KCNV2: variants seen among roughly 807,000 people sequenced by gnomAD.
KCNV2 encodes the protein potassium voltage-gated channel subfamily V member 2.
In KCNV2, 65 loss-of-function variants were observed where a neutral mutation model predicts 37.0. That is an observed-to-expected ratio of 1.76 (90% CI 1.44 to 2.16). KCNV2 has a LOEUF of 2.16. Ranked by LOEUF, KCNV2 falls within the 30% of genes most tolerant of loss-of-function variation. The pLI, the probability that KCNV2 is intolerant of heterozygous loss-of-function variation, is 0.00. For synonymous variants in KCNV2, 518 were observed against 328.6 expected (o/e 1.58, Z -6.23); for missense variants, 1,232 against 766.7 (o/e 1.61, Z -7.17).
intron 1 of KCNV2, among the ~76,000 whole-genome samples, chr9:2,723,603 A>G (rs1397170602): frequency 2.0e-5 from 3 of 152,228 alleles, no homozygotes; most frequent in African/African-American, 7.2e-5. Context: ...CTGCTAGCCT[A>G]TAGTAAGTCT....
Position 2,718,745 on chromosome 9 carries a change from AACCTGGTGG to A in KCNV2, c.1016_1024del (p.Asp339_Val341del), listed in dbSNP as rs786205064. ...GAGGCGCTTCGCGCGCAGCGCCCTC[AACCTGGTGG>A]ACCTGGTGGCCATCCTGCCGCTCTA... On this transcript the variant is annotated inframe_deletion, in exon 1 of 2. Transcript: ENST00000382082. The A allele has an allele frequency of 3.1e-5, 50 of 1,611,934 alleles. No homozygotes were observed. Among genetic ancestry groups the A allele is most frequent in the African/African-American group, 4.0e-5 (3 of 74,928 alleles).
At chr9:2,719,125 C>G (rs537049308) in intron 1 of KCNV2, 30 bp downstream of exon 1, 147 of 1,602,110 alleles carry the variant, frequency 9.2e-5, no homozygotes, top group Middle Eastern at 3.5e-4. Context: ...GCTTTCCCAT[C>G]CTCTTCCCCA....
At position 2,718,928 on chromosome 9, in the gene KCNV2, C is replaced by T; in HGVS notation, c.1189C>T (p.Leu397=). ...CAAGCTGGCGCGCCACTCCACCGGA[C>T]TGCGTGCCTTCGGCTTCACGCTGCG... ...ILKLARHSTG[L]RAFGFTLRQC... is the part of the protein sequence containing the mutation. The change falls in exon 1 of 2, where the codon CTG becomes TTG. Residue 397 remains leucine, a synonymous_variant. Coordinates refer to ENST00000382082, the MANE Select transcript of KCNV2 (RefSeq NM_133497.4). 1.2e-6 allele frequency: 2 copies of T among 1,609,420 alleles called. No individual in the cohort carries two copies. Among genetic ancestry groups the T allele is most frequent in the Non-Finnish European group, 1.7e-6 (2 of 1,180,010 alleles).
At chr9:2,720,863 A>T (rs542269295) in intron 1 of KCNV2, among the ~76,000 whole-genome samples, 1 of 152,230 alleles carries the variant, frequency 6.6e-6, no homozygotes, top group Non-Finnish European at 1.5e-5. Context: ...AATTAAAATA[A>T]AACACATAAA....
chr9:2,729,512 T>C lies in KCNV2; in HGVS notation c.1423T>C (p.Phe475Leu). ...PETHLGRFFA[F>L]LCIAFGIILN... ...GACCCACCTGGGCAGGTTTTTTGCC[T>C]TCCTCTGCATTGCTTTTGGGATCAT... The change falls in exon 2 of 2, where the codon TTC (phenylalanine) becomes CTC (leucine). Residue 475 changes from phenylalanine (F) to leucine (L), a missense_variant. Coordinates refer to ENST00000382082, the MANE Select transcript of KCNV2 (RefSeq NM_133497.4). 6.2e-7 allele frequency: 1 copy of C among 1,614,140 alleles called. No individual in the cohort carries two copies.
chr9:2,718,319 T>G lies in KCNV2; in HGVS notation c.580T>G (p.Tyr194Asp), dbSNP rs373342305. ...ELGYWGVRLKYTPRCCRICFE... is the reference protein window; with the variant it reads ...ELGYWGVRLKDTPRCCRICFE... The stretch of plus-strand genomic sequence containing the variant: ...GGGCTACTGGGGCGTGCGGCTCAAG[T>G]ACACGCCACGCTGCTGCCGCATCTG... The change falls in exon 1 of 2, where the codon TAC becomes GAC. Residue 194 changes from tyrosine (Y) to aspartate (D), a missense_variant. Tyr to Asp is a radical substitution (Grantham distance 160). Coordinates refer to ENST00000382082, the MANE Select transcript of KCNV2 (RefSeq NM_133497.4). 3.1e-6 allele frequency: 5 copies of G among 1,606,178 alleles called. No homozygotes were observed. The highest frequency in any genetic ancestry group is 8.5e-7 in the Non-Finnish European group (1 of 1,178,188).
Position 2,729,705 on chromosome 9 carries a change from T to G in KCNV2, c.1616T>G (p.Leu539Arg), listed in dbSNP as rs112673841. ...AECLLGSNPQ[L>R]TPRQEN is the part of the protein sequence containing the mutation. ...TGTTTGCTTGGAAGCAACCCACAGC[T>G]CACCCCAAGACAAGAGAATTAGTAT... The change falls in exon 2 of 2, where the codon CTC becomes CGC. Residue 539 changes from leucine to arginine, a missense_variant. By Grantham distance (102) the Leu-to-Arg change is moderately radical (BLOSUM62 -2). Coordinates refer to ENST00000382082, the MANE Select transcript of KCNV2 (RefSeq NM_133497.4). 6.2e-7 allele frequency: 1 copy of G among 1,614,080 alleles called. No homozygotes were observed. Among genetic ancestry groups the G allele is most frequent in the Non-Finnish European group, 8.5e-7 (1 of 1,180,000 alleles).
Position 2,717,768 on chromosome 9 carries a change from C to G in KCNV2, c.29C>G (p.Ser10Cys), listed in dbSNP as rs768154610. 1.3e-5 allele frequency: 21 copies of G among 1,614,204 alleles called. No homozygotes were observed. The highest frequency in any genetic ancestry group is 1.8e-5 in the Non-Finnish European group (21 of 1,180,036). ...CTCAAACAGAGTGAGAGGAGACGGT[C>G]CTGGAGCTACAGGCCCTGGAACACG... MLKQSERRRSWSYRPWNTTE... is the reference protein window; with the variant it reads MLKQSERRRCWSYRPWNTTE... Residue 10 changes from serine (S) to cysteine (C), a missense_variant, in exon 1 of 2, where the codon TCC becomes TGC. Coordinates refer to ENST00000382082, the MANE Select transcript of KCNV2 (RefSeq NM_133497.4).
rs373932533 is a variant in KCNV2 at position 2,718,546 on chromosome 9, C to G, written c.807C>G (p.Phe269Leu). 12 of 1,611,772 alleles carry G rather than the reference C, an allele frequency of 7.4e-6. No homozygotes were observed. The African/African-American group carries it at 1.3e-4, about 18-fold the overall frequency. Reference protein sequence around the residue: ...AKAIGVASSTFVLVSVVALAL... With the variant: ...AKAIGVASSTLVLVSVVALAL... ...CCATCGGGGTGGCCTCCAGCACCTT[C>G]GTGCTCGTCTCCGTGGTGGCGCTGG... is the stretch of plus-strand genomic sequence containing the variant. Residue 269 changes from phenylalanine to leucine, a missense_variant, in exon 1 of 2, where the codon TTC becomes TTG. Physicochemically the swap from Phe to Leu is conservative, Grantham distance 22. Coordinates refer to ENST00000382082, the MANE Select transcript of KCNV2 (RefSeq NM_133497.4).
chr9:2,718,442 G>T lies in KCNV2; in HGVS notation c.703G>T (p.Asp235Tyr), dbSNP rs371445689. The T allele has an allele frequency of 1.1e-5, 17 of 1,606,982 alleles. No homozygotes were observed. The highest frequency in any genetic ancestry group is 1.0e-4 in the Admixed American group (6 of 59,150). ...QVEEAEELFR[D>Y]MRFYGPQRRR... ...CGAGGAGGCGGAGGAACTCTTCCGC[G>T]ACATGCGCTTCTACGGCCCGCAGCG... The change falls in exon 1 of 2, where the codon GAC becomes TAC. Residue 235 changes from aspartate (D) to tyrosine (Y), a missense_variant. By Grantham distance (160) the Asp-to-Tyr change is radical (BLOSUM62 -3). Coordinates refer to ENST00000382082, the MANE Select transcript of KCNV2 (RefSeq NM_133497.4).
At chr9:2,729,161 C>A (rs1326763834) in intron 1 of KCNV2, among the ~76,000 whole-genome samples, 1 of 152,178 alleles carries the variant, frequency 6.6e-6, no homozygotes, top group Non-Finnish European at 1.5e-5. Flanking sequence ...GCAACCATTT[C>A]AAGTAGGTAT....
intron 1 of KCNV2, among the ~76,000 whole-genome samples, chr9:2,726,962 T>A (rs995061517): frequency 5.9e-5 from 9 of 151,880 alleles, no homozygotes; most frequent in African/African-American, 9.7e-5. Flanking sequence ...AACCATCCCC[T>A]CCCCCAACCC....
At chr9:2,725,151 G>C (rs573437793) in intron 1 of KCNV2, among the ~76,000 whole-genome samples, 11 of 152,294 alleles carry the variant, frequency 7.2e-5, no homozygotes, top group African/African-American at 2.6e-4. Flanking sequence ...TCATTATTGC[G>C]CACCTTTCTG....
At chr9:2,727,466 T>C (rs1218418674) in intron 1 of KCNV2, among the ~76,000 whole-genome samples, 2 of 152,190 alleles carry the variant, frequency 1.3e-5, no homozygotes, top group Non-Finnish European at 2.9e-5. Flanking sequence ...CAAGAGGACT[T>C]TGAGATTAAC....
At chr9:2,726,069 G>A (rs1819963221) in intron 1 of KCNV2, among the ~76,000 whole-genome samples, 1 of 152,144 alleles carries the variant, frequency 6.6e-6, no homozygotes, top group Non-Finnish European at 1.5e-5. Flanking sequence ...CGGAAATTTT[G>A]GTCACATTTC....
At chr9:2,721,465 A>G (rs1464312157) in intron 1 of KCNV2, among the ~76,000 whole-genome samples, 1 of 152,226 alleles carries the variant, frequency 6.6e-6, no homozygotes, top group Non-Finnish European at 1.5e-5. Context: ...CAAAGAGAAA[A>G]GAACACATTG....
chr9:2,726,794 G>A (rs962205136), intron 1 of KCNV2, among the ~76,000 whole-genome samples: 13 of 152,110 alleles, frequency 8.5e-5, no homozygotes, highest in African/African-American at 1.9e-4. Context: ...AATCATTACC[G>A]CCTAAGTTCT....
intron 1 of KCNV2, among the ~76,000 whole-genome samples, chr9:2,728,897 GA>G (rs946188568): frequency 1.1e-4 from 15 of 141,856 alleles, no homozygotes; most frequent in African/African-American, 2.9e-4. Context: ...AAAAAAAAAA[GA>G]AAAAAAGAAA....
intron 1 of KCNV2, among the ~76,000 whole-genome samples, chr9:2,723,280 G>A (rs1253331366): frequency 1.3e-5 from 2 of 152,164 alleles, no homozygotes; most frequent in Non-Finnish European, 2.9e-5. Flanking sequence ...CCACATTACA[G>A]AGAGTTTCTC....
Sources: gnomAD v4.1 joint callset for allele counts (sites outside exome capture counted in the v4.1 genomes callset) on GRCh38, gnomAD v4.1.1 for gene constraint, MANE v1.5 for transcripts, NCBI Gene and HGNC (gene_info 2026-07-23, HGNC 2026-07-21) for gene names.